Variants in CEP95 observed in about 807,000 individuals in gnomAD.
CEP95 encodes centrosomal protein of 95 kDa.
Under a neutral mutation model 111.2 loss-of-function variants are expected in CEP95, and 98 were observed. That is an observed-to-expected ratio of 0.88 (90% CI 0.75 to 1.04). The LOEUF is 1.04. CEP95 is among the 50% of genes least tolerant of loss of function. CEP95 has a pLI of 0.00. For synonymous variants in CEP95, 323 were observed against 327.1 expected, an observed-to-expected ratio of 0.99 and a Z score of 0.14; for missense variants, 1,027 against 977.2, an observed-to-expected ratio of 1.05 and a Z score of -0.68.
chr17:64,529,236 A>G (rs1598234631), intron 11 of CEP95, 52 bp from the exon 12 acceptor site: 2 of 1,551,610 alleles, frequency 1.3e-6, no homozygotes, highest in Non-Finnish European at 1.7e-6. Context: ...GGTTTCCAGC[A>G]TAACATTCTG....
In CEP95 at chr17:64,537,640, T is replaced by G; in HGVS notation, c.2327T>G (p.Met776Arg). 1 of 1,612,086 alleles carries G rather than the reference T, an allele frequency of 6.2e-7. No individual in the cohort carries two copies. Among genetic ancestry groups the G allele is most frequent in the Non-Finnish European group, 8.5e-7 (1 of 1,178,754 alleles). Residue 776 changes from methionine (M) to arginine (R), a missense_variant, in exon 20 of 20, where the codon ATG becomes AGG. Transcript: ENST00000556440. Reference sequence around the variant, plus strand: ...GTGAAGAGGGAGCTGAGATCTAAGATGGAGAAGGAAATTCAGCAGCTGCAG... The same window carrying G: ...GTGAAGAGGGAGCTGAGATCTAAGAGGGAGAAGGAAATTCAGCAGCTGCAG... Reference protein sequence around the residue: ...HKVKRELRSKMEKEIQQLQDM... With the variant: ...HKVKRELRSKREKEIQQLQDM...
Position 64,536,756 on chromosome 17 carries a change from C to T in CEP95, c.2217+8C>T. 1 of 1,591,298 alleles carries T rather than the reference C, an allele frequency of 6.3e-7. No individual in the cohort carries two copies. Among genetic ancestry groups the T allele is most frequent in the Non-Finnish European group, 8.5e-7 (1 of 1,174,050 alleles). On this transcript the variant is annotated splice_region_variant and intron_variant, in intron 18 of 19. Transcript: ENST00000556440. ...AACTACTATAAGGACCAGGTGGGCT[C>T]CTGGCACTTGCTTACGCTGTTGTGC...
At position 64,516,656 on chromosome 17, in the gene CEP95, C is replaced by T. The variant is rs531709665; in HGVS notation, c.368-67C>T. 1.4e-4 allele frequency: 136 copies of T among 952,938 alleles called. 2 individuals carry two copies. In the South Asian group the frequency reaches 2.2e-3, roughly 15 times the overall value. 59.0% of individuals were successfully genotyped at this position (952,938 alleles called of 1,614,324 possible). A position where few individuals can be genotyped will look rare whatever the true frequency, so the allele number is the denominator to read the frequency against. On this transcript the variant is annotated intron_variant, in intron 4 of 19. Transcript: ENST00000556440. ...CCTCACTGTCCTTACCTTTCCCTGCCTCTTACATAGAAAAAGTAGTATTCA... is the reference window on the plus strand; with the variant it reads ...CCTCACTGTCCTTACCTTTCCCTGCTTCTTACATAGAAAAAGTAGTATTCA...
At chr17:64,508,876 A>G (rs1237957669) in intron 2 of CEP95, among the ~76,000 whole-genome samples, 156 bp downstream of exon 2, 2 of 150,814 alleles carry the variant, frequency 1.3e-5, no homozygotes, top group African/African-American at 4.9e-5. Flanking sequence ...AATATACAAT[A>G]TTAAAATAAA....
intron 8 of CEP95, among the ~76,000 whole-genome samples, chr17:64,525,319 G>A (rs532915986): frequency 1.3e-5 from 2 of 151,156 alleles, no homozygotes; most frequent in Middle Eastern, 3.4e-3. Context: ...GAGGAAAACT[G>A]TCTCAAAAAA....
At chr17:64,512,049 T>TAC (rs1359635357) in intron 3 of CEP95, among the ~76,000 whole-genome samples, 3 of 152,244 alleles carry the variant, frequency 2.0e-5, no homozygotes, top group African/African-American at 7.2e-5. Context: ...GATAGCTGCA[T>TAC]ACAGTGGACT....
At chr17:64,509,532 A>G (rs2038774390) in intron 2 of CEP95, among the ~76,000 whole-genome samples, 1 of 152,204 alleles carries the variant, frequency 6.6e-6, no homozygotes, top group Non-Finnish European at 1.5e-5. Context: ...TAAAAATACA[A>G]AAATTAGCCA....
intron 2 of CEP95, 27 bp from the exon 3 acceptor site, chr17:64,510,146 A>G: frequency 7.1e-7 from 1 of 1,405,002 alleles, no homozygotes; most frequent in Non-Finnish European, 1.0e-6. Flanking sequence ...CATGGATACA[A>G]AATTATGTGA....
chr17:64,535,434 T>C (rs1968585457), intron 17 of CEP95: 1 of 153,530 alleles, frequency 6.5e-6, no homozygotes, highest in African/African-American at 2.4e-5. Flanking sequence ...CCCTCCTCAG[T>C]GATGTACATG....
At chr17:64,511,633 G>A (rs777331607) in intron 3 of CEP95, among the ~76,000 whole-genome samples, 1 of 152,042 alleles carries the variant, frequency 6.6e-6, no homozygotes, top group Admixed American at 6.5e-5. Flanking sequence ...TGCAGTTAAC[G>A]CAATTATCAC....
rs569143538 is a variant in CEP95, at chr17:64,522,065, C to T, written c.715+538C>T. ...ATGGGGTTTCACCATGTTGGCCAGG[C>T]TGGTCTCGAACTCATGACCTCGTGA... On this transcript the variant is annotated intron_variant, in intron 7 of 19. Transcript: ENST00000556440. 2.6e-5 allele frequency among the ~76,000 whole-genome samples: 4 copies of T among 152,142 alleles called. No homozygotes were observed. The South Asian group carries it at 8.3e-4, about 32-fold the overall frequency.
Position 64,530,585 on chromosome 17 carries a change from C to T in CEP95, c.1447-341C>T, listed in dbSNP as rs868924225. Among the ~76,000 whole-genome samples the T allele has an allele frequency of 4.0e-5, 6 of 150,056 alleles. No individual in the cohort carries two copies. The South Asian group carries it at 6.4e-4, about 16-fold the overall frequency. ...GTGCAATGGCATAATCTTGGCTTAC[C>T]TCAACCTCCGTTTCCCGGGTTCAAG... On this transcript the variant is annotated intron_variant, in intron 12 of 19. Coordinates refer to ENST00000556440, the MANE Select transcript of CEP95 (RefSeq NM_138363.3).
At chr17:64,523,090 CT>C (rs1418618360) in intron 8 of CEP95, among the ~76,000 whole-genome samples, 195 bp downstream of exon 8, 1 of 152,166 alleles carries the variant, frequency 6.6e-6, no homozygotes, top group African/African-American at 2.4e-5. Context: ...AAGCATCGTA[CT>C]CCTTAAAATT....
chr17:64,517,690 A>ATTTT (rs782455302), intron 5 of CEP95, among the ~76,000 whole-genome samples: 1 of 124,510 alleles, frequency 8.0e-6, no homozygotes, highest in Non-Finnish European at 1.7e-5. Flanking sequence ...CACCTGGCTA[A>ATTTT]TTTTTTTTTT....
At chr17:64,537,534 A>G in intron 19 of CEP95, 69 bp from the exon 20 acceptor site, 2 of 1,472,718 alleles carry the variant, frequency 1.4e-6, no homozygotes, top group South Asian at 1.6e-5. Flanking sequence ...TGGAAGATGG[A>G]GAGGGAACAA....
Position 64,519,404 on chromosome 17 carries a change from A to T in CEP95, c.557A>T (p.Asp186Val). 6.2e-7 allele frequency: 1 copy of T among 1,613,686 alleles called. No individual in the cohort carries two copies. The highest frequency in any genetic ancestry group is 8.5e-7 in the Non-Finnish European group (1 of 1,179,610). ...ESTGEIIRLG[D>V]TAHTFSLRSN... ...ACTGGTGAAATCATTAGACTTGGAG[A>T]CACAGCACACACCTTTTCTCTAAGA... The change falls in exon 6 of 20, where the codon GAC becomes GTC. Residue 186 changes from aspartate to valine, a missense_variant. Transcript: ENST00000556440.
At chr17:64,516,699 A>G in intron 4 of CEP95, 24 bp from the exon 5 acceptor site, 1 of 1,446,934 alleles carries the variant, frequency 6.9e-7, no homozygotes, top group South Asian at 1.2e-5. Context: ...GTTTTTTGGT[A>G]TTGTTTTTAT....
At chr17:64,516,933 T>G in intron 5 of CEP95, 105 bp downstream of exon 5, 1 of 623,882 alleles carries the variant, frequency 1.6e-6, no homozygotes, top group Non-Finnish European at 2.7e-6. Flanking sequence ...AAAGCTAATG[T>G]GAAACTTCTA....
chr17:64,531,783 C>A, intron 13 of CEP95, 107 bp from the exon 14 acceptor site: 1 of 812,778 alleles, frequency 1.2e-6, no homozygotes, highest in Non-Finnish European at 1.7e-6. Flanking sequence ...AGCTAAAAAA[C>A]TAAAAAACTA....
Sources: allele counts gnomAD v4.1 joint callset (sites outside exome capture counted in the v4.1 genomes callset), GRCh38; gene constraint gnomAD v4.1.1; transcripts MANE v1.5; gene names NCBI Gene and HGNC (gene_info 2026-07-23, HGNC 2026-07-21).